ANKRD33B: variants seen among roughly 807,000 people sequenced by gnomAD.
ANKRD33B encodes the protein ankyrin repeat domain 33B, also known as ankyrin repeat domain-containing protein 33B.
A neutral mutation model predicts 21.5 loss-of-function variants in ANKRD33B; 6 were observed. That is an observed-to-expected ratio of 0.28 (90% CI 0.15 to 0.55). The LOEUF is 0.55. Ranked by LOEUF, ANKRD33B falls within the 20% of genes least tolerant of loss-of-function variation. ANKRD33B has a pLI of 0.94. For missense variants in ANKRD33B, 698 were observed against 747.2 expected, an observed-to-expected ratio of 0.93 and a Z score of 0.77; for synonymous variants, 347 against 342.4, an observed-to-expected ratio of 1.01 and a Z score of -0.15.
Position 10,649,700 on chromosome 5 carries a change from G to A in ANKRD33B, c.1072G>A (p.Glu358Lys). The change falls in exon 4 of 4, where the codon GAG (glutamate) becomes AAG (lysine). Residue 358 changes from glutamate (E) to lysine (K), a missense_variant. Physicochemically the swap from Glu to Lys is moderately conservative, Grantham distance 56. This residue lies in a region of ANKRD33B where 543 missense variants were observed against 566.5 expected (regional missense o/e 0.96). Transcript: ENST00000296657. ...ARAARGPQAQ[E>K]EDEVGGAGQR... The stretch of plus-strand genomic sequence containing the variant: ...GGCTGCACGGGGCCCCCAGGCGCAG[G>A]AGGAGGATGAGGTGGGGGGCGCGGG... The A allele has an allele frequency of 6.6e-7, 1 of 1,517,456 alleles. No individual in the cohort carries two copies. The highest frequency in any genetic ancestry group is 1.2e-5 in the South Asian group (1 of 82,186). 94.0% of individuals were successfully genotyped at this position (1,517,456 alleles called of 1,614,324 possible). A position where few individuals can be genotyped will look rare whatever the true frequency, so the allele number is the denominator to read the frequency against.
chr5:10,615,029 A>G (rs375137086), intron 1 of ANKRD33B, among the ~76,000 whole-genome samples: 16 of 152,296 alleles, frequency 1.1e-4, no homozygotes, highest in African/African-American at 3.6e-4. Flanking sequence ...AGGAGGTGCT[A>G]TTAGTCCAGA....
intron 1 of ANKRD33B, among the ~76,000 whole-genome samples, chr5:10,602,194 C>T (rs1209916250): frequency 6.6e-6 from 1 of 152,206 alleles, no homozygotes; most frequent in South Asian, 2.1e-4. Context: ...ACTGTCCATC[C>T]CGGGGCCTCA....
chr5:10,596,133 A>G (rs1259655932), intron 1 of ANKRD33B, among the ~76,000 whole-genome samples: 2 of 152,226 alleles, frequency 1.3e-5, no homozygotes, highest in African/African-American at 4.8e-5. Flanking sequence ...ACCCTTTAAA[A>G]TTAATTATGC....
intron 1 of ANKRD33B, among the ~76,000 whole-genome samples, chr5:10,577,618 G>T (rs535861429): frequency 6.6e-6 from 1 of 152,232 alleles, no homozygotes; most frequent in Non-Finnish European, 1.5e-5. Context: ...CTTTCCATGT[G>T]TAGCGGGAGG....
intron 1 of ANKRD33B, among the ~76,000 whole-genome samples, chr5:10,575,918 G>A (rs1237953938): frequency 6.6e-6 from 1 of 152,012 alleles, no homozygotes; most frequent in East Asian, 1.9e-4. Context: ...ACCTTTTTGT[G>A]CCTTGATGGT....
chr5:10,634,482 C>T (rs1203661930), intron 2 of ANKRD33B, among the ~76,000 whole-genome samples: 7 of 120,592 alleles, frequency 5.8e-5, no homozygotes, highest in Non-Finnish European at 1.3e-4. Flanking sequence ...TTTTTTGAGA[C>T]AGGGTCTCAC....
In ANKRD33B at chr5:10,632,518, A is replaced by G. The variant is rs79941155; in HGVS notation, c.497-5510A>G. ...GTCATTTCCAGCTTTCCTCTTTTGC[A>G]TACCACAGACCTGTCCATCCACTCA... is the stretch of plus-strand genomic sequence containing the variant. On this transcript the variant is annotated intron_variant, in intron 2 of 3. Coordinates refer to ENST00000296657, the MANE Select transcript of ANKRD33B (RefSeq NM_001164440.2). Among the ~76,000 whole-genome samples the G allele has an allele frequency of 3.7e-3, 569 of 152,216 alleles. 4 individuals are homozygous for G. Among genetic ancestry groups the G allele is most frequent in the African/African-American group, 0.013 (548 of 41,530 alleles).
chr5:10,611,846 G>A (rs1736178632), intron 1 of ANKRD33B, among the ~76,000 whole-genome samples: 1 of 152,214 alleles, frequency 6.6e-6, no homozygotes, highest in Non-Finnish European at 1.5e-5. Flanking sequence ...GCCTGGTTGA[G>A]ACTTGATTGG....
Position 10,576,546 on chromosome 5 carries a change from A to T in ANKRD33B, c.366+11713A>T, listed in dbSNP as rs1361482853. Among the ~76,000 whole-genome samples, 1 of 152,224 alleles carries T rather than the reference A, an allele frequency of 6.6e-6. No homozygotes were observed. On this transcript the variant is annotated intron_variant, in intron 1 of 3. Coordinates refer to ENST00000296657, the MANE Select transcript of ANKRD33B (RefSeq NM_001164440.2). This position sits in a 1 kb window ranked among gnomAD's most constrained non-coding sequence, Gnocchi z 4.1. ...GATCTTTAGTTTCCTTTAGATACCC[A>T]TCTAGAAACTGGGAGGCTTACTATG...
At chr5:10,638,940 TATTAGCGG>T in intron 3 of ANKRD33B, among the ~76,000 whole-genome samples, 1 of 124,690 alleles carries the variant, frequency 8.0e-6, no homozygotes, top group Non-Finnish European at 1.9e-5. Flanking sequence ...TGCGCGGCGA[TATTAGCGG>T]GTGACGCGGA....
At chr5:10,629,733 C>G (rs1389567046) in intron 2 of ANKRD33B, among the ~76,000 whole-genome samples, 1 of 152,094 alleles carries the variant, frequency 6.6e-6, no homozygotes, top group South Asian at 2.1e-4. Context: ...AGCTGAGGAA[C>G]AGCAGCATTT....
chr5:10,578,030 G>A (rs939385464), intron 1 of ANKRD33B, among the ~76,000 whole-genome samples: 4 of 152,212 alleles, frequency 2.6e-5, no homozygotes, highest in African/African-American at 9.6e-5. Context: ...AGTGGGGAAA[G>A]GGGCAGTGCC....
intron 2 of ANKRD33B, chr5:10,625,166 G>A: frequency 5.7e-6 from 1 of 174,182 alleles, no homozygotes; most frequent in Non-Finnish European, 1.2e-5. Context: ...CAAAGAGGCT[G>A]TTTAGGCCCA....
In ANKRD33B at chr5:10,619,054, G is replaced by A. The variant is rs1048449854; in HGVS notation, c.496+592G>A. ...ATGTCAATATTGCCAAGTGCATTGC[G>A]ACTCTCCTGCTTTGGAACTGTATCC... On this transcript the variant is annotated intron_variant, in intron 2 of 3. Transcript: ENST00000296657. The surrounding 1 kb of genome is among the most constrained non-coding windows in gnomAD (Gnocchi z 4.5). Among the ~76,000 whole-genome samples, 5 of 152,224 alleles carry A rather than the reference G, an allele frequency of 3.3e-5. No individual in the cohort carries two copies. Among genetic ancestry groups the A allele is most frequent in the Admixed American group, 2.0e-4 (3 of 15,286 alleles).
chr5:10,621,328 T>G (rs1224487997), intron 2 of ANKRD33B, among the ~76,000 whole-genome samples: 1 of 152,212 alleles, frequency 6.6e-6, no homozygotes. Context: ...TCACACTAAA[T>G]GTTATTGCTT....
chr5:10,656,665 T>TGAA lies in ANKRD33B; in HGVS notation c.*6553_*6555dup, dbSNP rs1737494985. The TGAA allele has an allele frequency of 6.6e-6, 1 of 152,336 alleles. No homozygotes were observed. The highest frequency in any genetic ancestry group is 6.5e-5 in the Admixed American group (1 of 15,284). The allele number at this position is 152,336 out of a possible 1,614,324, so 9.4% of individuals were successfully genotyped here. On this transcript the variant is annotated 3_prime_UTR_variant, in exon 4 of 4. Coordinates refer to ENST00000296657, the MANE Select transcript of ANKRD33B (RefSeq NM_001164440.2). ...GGGTCATCACAGCCCAGGTCTTTAT[T>TGAA]GAAAGGCGGCTCATATAGAACCCAT...
chr5:10,594,385 T>C (rs972828423), intron 1 of ANKRD33B, among the ~76,000 whole-genome samples: 7 of 152,034 alleles, frequency 4.6e-5, no homozygotes, highest in Non-Finnish European at 1.0e-4. Flanking sequence ...GCCCGGCTAA[T>C]TTTTGTATTT....
chr5:10,606,116 C>T (rs1736040421), intron 1 of ANKRD33B, among the ~76,000 whole-genome samples: 1 of 152,194 alleles, frequency 6.6e-6, no homozygotes, highest in African/African-American at 2.4e-5. Context: ...TAGGTATATA[C>T]ATGAAGTTGG....
At chr5:10,618,235 G>A in intron 1 of ANKRD33B, 98 bp from the exon 2 acceptor site, 1 of 1,477,166 alleles carries the variant, frequency 6.8e-7, no homozygotes, top group African/African-American at 1.4e-5. Flanking sequence ...GCCTTGTCCA[G>A]CCCCCTGGAG....
Sources: allele counts gnomAD v4.1 joint callset (sites outside exome capture counted in the v4.1 genomes callset), GRCh38; gene constraint gnomAD v4.1.1; regional missense constraint gnomAD v4.1.1; non-coding constraint Gnocchi (gnomAD v3.1); transcripts MANE v1.5; gene names NCBI Gene and HGNC (gene_info 2026-07-23, HGNC 2026-07-21).